Variants in PKNOX1 observed in about 807,000 individuals in gnomAD.
PKNOX1 encodes the protein PBX/knotted 1 homeobox 1.
In PKNOX1, 15 loss-of-function variants were observed where a neutral mutation model predicts 51.9. The observed-to-expected ratio is 0.29, with a 90% CI of 0.19 to 0.45. The LOEUF (loss-of-function observed/expected upper bound fraction) is 0.45. Among genes scored for constraint, PKNOX1 ranks in the 20% least tolerant of loss-of-function variants. The pLI is 1.00. For missense variants in PKNOX1, 462 were observed against 547.5 expected, an observed-to-expected ratio of 0.84 and a Z score of 1.56; for synonymous variants, 219 against 211.1, an observed-to-expected ratio of 1.04 and a Z score of -0.32.
intron 1 of PKNOX1, among the ~76,000 whole-genome samples, chr21:42,983,254 T>G (rs865859707): frequency 6.6e-6 from 1 of 151,906 alleles, no homozygotes; most frequent in African/African-American, 2.4e-5. Context: ...ACCCTTCATC[T>G]TGTAAAACTG....
chr21:43,023,359 T>C (rs1979847623), intron 8 of PKNOX1, among the ~76,000 whole-genome samples: 1 of 152,104 alleles, frequency 6.6e-6, no homozygotes, highest in African/African-American at 2.4e-5. Flanking sequence ...CGTCCCCATG[T>C]GATGGGCAGG....
rs931785067 is a variant in PKNOX1, at chr21:43,032,691, C to A, written c.*2590C>A. ...AAGCTCTGGCCTGAGAGTTAAACACCCATGCTGAATGATACAGTGTGCATT... is the reference window on the plus strand; with the variant it reads ...AAGCTCTGGCCTGAGAGTTAAACACACATGCTGAATGATACAGTGTGCATT... On this transcript the variant is annotated 3_prime_UTR_variant, in exon 11 of 11. Coordinates refer to ENST00000291547, the MANE Select transcript of PKNOX1 (RefSeq NM_004571.5). The A allele has an allele frequency of 3.9e-5, 6 of 155,346 alleles. No individual in the cohort carries two copies. Among genetic ancestry groups the A allele is most frequent in the Admixed American group, 3.8e-4 (6 of 15,952 alleles). The allele number at this position is 155,346 out of a possible 1,614,324, so 9.6% of individuals were successfully genotyped here.
intron 1 of PKNOX1, among the ~76,000 whole-genome samples, chr21:43,003,091 T>G (rs1601286192): frequency 6.6e-6 from 1 of 152,208 alleles, no homozygotes; most frequent in Non-Finnish European, 1.5e-5. Context: ...AGGATTTCTT[T>G]CCATTTAACA....
rs1980231330 is a variant in PKNOX1, at chr21:43,030,789, A to G, written c.*688A>G. ...AAGAAACAATACATGCTTGCTATTA[A>G]TATTTCAATTTGGAATGTTCTGAAT... On this transcript the variant is annotated 3_prime_UTR_variant, in exon 11 of 11. Coordinates refer to ENST00000291547, the MANE Select transcript of PKNOX1 (RefSeq NM_004571.5). The G allele has an allele frequency of 6.6e-6, 1 of 152,358 alleles. No homozygotes were observed. The highest frequency in any genetic ancestry group is 1.5e-5 in the Non-Finnish European group (1 of 68,048). The allele number at this position is 152,358 out of a possible 1,614,324, so 9.4% of individuals were successfully genotyped here. A position where few individuals can be genotyped will look rare whatever the true frequency, so the allele number is the denominator to read the frequency against.
chr21:42,992,699 A>G (rs452142), intron 1 of PKNOX1, among the ~76,000 whole-genome samples: 22,930 of 151,690 alleles, frequency 0.15, 2,445 homozygotes, highest in Non-Finnish European at 0.22. Flanking sequence ...GCTTCTTCAC[A>G]GATTAGAGGA....
chr21:42,987,405 ATATATATAT>A (rs1482296626), intron 1 of PKNOX1, among the ~76,000 whole-genome samples: 2 of 70,136 alleles, frequency 2.9e-5, no homozygotes, highest in African/African-American at 1.0e-4. Flanking sequence ...AAAAAAAAAA[ATATATATAT>A]ATATATATAT....
chr21:42,999,466 G>C (rs1978649340), intron 1 of PKNOX1, among the ~76,000 whole-genome samples: 1 of 150,134 alleles, frequency 6.7e-6, no homozygotes, highest in Non-Finnish European at 1.5e-5. Context: ...TTCTCCTCAG[G>C]AAATGGGATT....
chr21:42,978,481 CTTTTCTTTTTT>C (rs2059009310), intron 1 of PKNOX1, among the ~76,000 whole-genome samples: 1 of 118,038 alleles, frequency 8.5e-6, no homozygotes, highest in Admixed American at 8.1e-5. Flanking sequence ...TTTTTCTTTT[CTTTTCTTTTTT>C]TTTTTTTTTT....
intron 1 of PKNOX1, among the ~76,000 whole-genome samples, chr21:42,998,435 A>T (rs920560172): frequency 4.6e-5 from 7 of 152,102 alleles, no homozygotes; most frequent in African/African-American, 1.7e-4. Context: ...CATGTTTCAA[A>T]ACCAATCATG....
At chr21:42,979,741 CAGAAAAAA>C (rs1299374887) in intron 1 of PKNOX1, among the ~76,000 whole-genome samples, 1 of 151,088 alleles carries the variant, frequency 6.6e-6, no homozygotes, top group African/African-American at 2.4e-5. Context: ...GACTCCATCT[CAGAAAAAA>C]AGAAAAAAGA....
intron 1 of PKNOX1, among the ~76,000 whole-genome samples, chr21:42,980,060 G>A (rs2059019027): frequency 6.6e-6 from 1 of 152,154 alleles, no homozygotes; most frequent in African/African-American, 2.4e-5. Context: ...ACGTTTCTCT[G>A]GCAGTAACTT....
chr21:42,990,335 G>T (rs1568890098), intron 1 of PKNOX1, among the ~76,000 whole-genome samples: 1 of 152,134 alleles, frequency 6.6e-6, no homozygotes, highest in Non-Finnish European at 1.5e-5. Flanking sequence ...TCACAGCTGG[G>T]GTCTGGTCAG....
intron 1 of PKNOX1, 96 bp downstream of exon 1, chr21:42,974,760 G>A (rs1198062765): frequency 6.2e-6 from 1 of 161,394 alleles, no homozygotes; most frequent in Non-Finnish European, 1.3e-5. Flanking sequence ...GCCCGCCGCC[G>A]CCGCTGCCGC....
At chr21:43,018,102 G>GCAGCCT (rs1568901757) in intron 6 of PKNOX1, 31 bp from the exon 7 acceptor site, 1 of 882,270 alleles carries the variant, frequency 1.1e-6, no homozygotes, top group Non-Finnish European at 1.8e-6. Context: ...AGACTTAAAA[G>GCAGCCT]CAGCCTCATA....
chr21:43,010,542 C>T (rs1172928336), intron 4 of PKNOX1, among the ~76,000 whole-genome samples: 1 of 152,122 alleles, frequency 6.6e-6, no homozygotes, highest in Non-Finnish European at 1.5e-5. Flanking sequence ...GCCCAACCTA[C>T]CCTTTCCTTT....
chr21:42,998,722 C>T (rs189714156), intron 1 of PKNOX1, among the ~76,000 whole-genome samples: 1 of 152,334 alleles, frequency 6.6e-6, no homozygotes, highest in Admixed American at 6.5e-5. Flanking sequence ...TAAATGATTT[C>T]CTTTGACTGC....
At position 43,013,499 on chromosome 21, in the gene PKNOX1, C is replaced by A. The variant is rs555737693; in HGVS notation, c.522+261C>A. Among the ~76,000 whole-genome samples the A allele has an allele frequency of 1.2e-4, 19 of 152,278 alleles. No individual in the cohort carries two copies. In the East Asian group the frequency reaches 2.3e-3, roughly 19 times the overall value. ...CATTCATTTCTTTCTTTTATTTCTTCTGAAAATATTTTACTTATTCTTTTG... is the reference window on the plus strand; with the variant it reads ...CATTCATTTCTTTCTTTTATTTCTTATGAAAATATTTTACTTATTCTTTTG... On this transcript the variant is annotated intron_variant, in intron 5 of 10. Transcript: ENST00000291547.
intron 1 of PKNOX1, among the ~76,000 whole-genome samples, chr21:42,999,792 C>G (rs771407263): frequency 5.9e-5 from 9 of 152,154 alleles, no homozygotes; most frequent in Non-Finnish European, 1.0e-4. Context: ...ATTTTCTTTT[C>G]TATCACATTG....
rs146858763 is a variant in PKNOX1 at position 43,004,380 on chromosome 21, C to A, written c.-2C>A. 600 of 1,601,464 alleles carry A rather than the reference C, an allele frequency of 3.7e-4. 1 individual carries two copies. The African/African-American group carries it at 7.3e-3, about 19-fold the overall frequency. On this transcript the variant is annotated 5_prime_UTR_variant, in exon 2 of 11. Coordinates refer to ENST00000291547, the MANE Select transcript of PKNOX1 (RefSeq NM_004571.5). ...TGATGTCTTATAAAACTCTGATGAA[C>A]CATGATGGCTACACAGACATTAAGT...
Sources: allele counts gnomAD v4.1 joint callset (sites outside exome capture counted in the v4.1 genomes callset), GRCh38; gene constraint gnomAD v4.1.1; transcripts MANE v1.5; gene names NCBI Gene and HGNC (gene_info 2026-07-23, HGNC 2026-07-21).